Variants in EXOC4 observed in about 807,000 individuals in gnomAD.
EXOC4 encodes the protein exocyst complex component 4.
In EXOC4, 71 loss-of-function variants were observed where a neutral mutation model predicts 107.2. That is an observed-to-expected ratio of 0.66 (90% CI 0.55 to 0.81). The LOEUF (loss-of-function observed/expected upper bound fraction) is 0.81. Among genes scored for constraint, EXOC4 ranks in the 30% least tolerant of loss-of-function variants. The probability of loss-of-function intolerance (pLI) is 0.00; values close to 1 mark genes in which losing one functional copy is unlikely to be tolerated. For missense variants in EXOC4, 1,108 were observed against 1,189.6 expected (o/e 0.93, Z 1.01); for synonymous variants, 456 against 441.2 (o/e 1.03, Z -0.42).
At chr7:133,901,915 C>T (rs1228429746) in intron 12 of EXOC4, among the ~76,000 whole-genome samples, 1 of 152,114 alleles carries the variant, frequency 6.6e-6, no homozygotes, top group Non-Finnish European at 1.5e-5. Flanking sequence ...CTTCTCCCAA[C>T]TGAAGCATTC....
chr7:133,739,621 C>G (rs759510969), intron 10 of EXOC4, among the ~76,000 whole-genome samples: 7 of 152,186 alleles, frequency 4.6e-5, no homozygotes, highest in Non-Finnish European at 7.3e-5. Flanking sequence ...AACATTAAGG[C>G]TGCAGCTGCT....
At chr7:133,988,105 G>A (rs768155386) in intron 14 of EXOC4, among the ~76,000 whole-genome samples, 2 of 152,162 alleles carry the variant, frequency 1.3e-5, no homozygotes, top group African/African-American at 2.4e-5. Flanking sequence ...TATGTCAATC[G>A]TAAAGAGAGA....
At chr7:133,513,813 C>A (rs1341119428) in intron 9 of EXOC4, among the ~76,000 whole-genome samples, 1 of 152,032 alleles carries the variant, frequency 6.6e-6, no homozygotes, top group Non-Finnish European at 1.5e-5. Context: ...CCTTGAGAGG[C>A]CATTTTTGTT....
At chr7:133,523,723 G>A (rs1191662916) in intron 9 of EXOC4, among the ~76,000 whole-genome samples, 4 of 151,942 alleles carry the variant, frequency 2.6e-5, no homozygotes, top group Non-Finnish European at 5.9e-5. Flanking sequence ...ATAGTTTACT[G>A]AGAATGATGA....
intron 14 of EXOC4, among the ~76,000 whole-genome samples, chr7:133,972,661 A>C (rs1232893370): frequency 5.3e-5 from 8 of 152,250 alleles, no homozygotes; most frequent in Admixed American, 5.2e-4. Flanking sequence ...AGCAATGCTT[A>C]GATAAATATT....
intron 10 of EXOC4, among the ~76,000 whole-genome samples, chr7:133,704,095 C>G: frequency 6.6e-6 from 1 of 152,108 alleles, no homozygotes; most frequent in East Asian, 1.9e-4. Context: ...TCCACTCTTT[C>G]AACACCTAAG....
At chr7:133,340,670 T>G (rs1023147015) in intron 5 of EXOC4, among the ~76,000 whole-genome samples, 3 of 152,052 alleles carry the variant, frequency 2.0e-5, no homozygotes, top group African/African-American at 7.2e-5. Context: ...CTTTTTTTTG[T>G]TGGCAATTTT....
the EXOC4 span, among the ~76,000 whole-genome samples, chr7:134,075,051 A>G: frequency 6.6e-6 from 1 of 152,238 alleles, no homozygotes. Flanking sequence ...ACTCAGGAGT[A>G]TGAGGAGGAT....
intron 10 of EXOC4, among the ~76,000 whole-genome samples, chr7:133,796,973 A>C (rs1282036255): frequency 6.6e-6 from 1 of 152,192 alleles, no homozygotes; most frequent in Non-Finnish European, 1.5e-5. Context: ...GCCAGTTATT[A>C]GACTGTTATT....
At chr7:133,304,156 C>T (rs1251550674) in intron 3 of EXOC4, among the ~76,000 whole-genome samples, 1 of 152,174 alleles carries the variant, frequency 6.6e-6, no homozygotes, top group Non-Finnish European at 1.5e-5. Flanking sequence ...GATAAGGCTA[C>T]GTGATGGGCC....
intron 11 of EXOC4, among the ~76,000 whole-genome samples, chr7:133,862,037 A>C (rs1490871684): frequency 3.3e-5 from 5 of 152,192 alleles, no homozygotes; most frequent in Non-Finnish European, 7.3e-5. Flanking sequence ...TTACACATAA[A>C]AGTCATGAGA....
At chr7:133,636,890 G>C (rs375098741) in intron 10 of EXOC4, among the ~76,000 whole-genome samples, 2 of 152,184 alleles carry the variant, frequency 1.3e-5, no homozygotes. Flanking sequence ...GGTTGGCTGT[G>C]TAACATTCTT....
chr7:133,547,654 A>G (rs1012689276), intron 9 of EXOC4, among the ~76,000 whole-genome samples: 1 of 152,240 alleles, frequency 6.6e-6, no homozygotes, highest in East Asian at 1.9e-4. Flanking sequence ...TGTCCACAGC[A>G]TCTTCAAGAG....
intron 7 of EXOC4, among the ~76,000 whole-genome samples, chr7:133,408,325 G>A (rs1259764627): frequency 1.3e-5 from 2 of 151,598 alleles, no homozygotes; most frequent in Non-Finnish European, 2.9e-5. Flanking sequence ...TGATAGAGCT[G>A]GGGATGGGGT....
chr7:133,698,450 C>T (rs546327675), intron 10 of EXOC4, among the ~76,000 whole-genome samples: 11 of 152,010 alleles, frequency 7.2e-5, no homozygotes, highest in South Asian at 6.2e-4. Context: ...GGTGTAGTGG[C>T]GCCCGCCTTT....
intron 15 of EXOC4, among the ~76,000 whole-genome samples, chr7:134,000,507 G>A (rs143658084): frequency 6.6e-6 from 1 of 152,146 alleles, no homozygotes; most frequent in Non-Finnish European, 1.5e-5. Context: ...TAGTTGGTTT[G>A]AAACCAAACC....
At chr7:133,703,506 G>A (rs1019482767) in intron 10 of EXOC4, among the ~76,000 whole-genome samples, 5 of 152,106 alleles carry the variant, frequency 3.3e-5, no homozygotes, top group African/African-American at 9.7e-5. Context: ...TTGTCATCCC[G>A]GCCAGCTTCC....
At chr7:133,279,383 G>A (rs925028639) in intron 2 of EXOC4, among the ~76,000 whole-genome samples, 2 of 152,118 alleles carry the variant, frequency 1.3e-5, no homozygotes, top group African/African-American at 4.8e-5. Flanking sequence ...AGATCCCTGA[G>A]GAATCATGAT....
chr7:133,296,690 T>C (rs1794526677), intron 3 of EXOC4, among the ~76,000 whole-genome samples: 1 of 152,080 alleles, frequency 6.6e-6, no homozygotes, highest in Non-Finnish European at 1.5e-5. Context: ...TGTATTAGTT[T>C]TCCTTTTTTT....
Sources: allele counts gnomAD v4.1 joint callset (sites outside exome capture counted in the v4.1 genomes callset), GRCh38; gene constraint gnomAD v4.1.1; transcripts MANE v1.5; gene names NCBI Gene and HGNC (gene_info 2026-07-23, HGNC 2026-07-21).